The following LRRC4C variants were observed in gnomAD, a reference collection of about 807,000 sequenced individuals.
LRRC4C encodes leucine rich repeat containing 4C.
In LRRC4C, 5 loss-of-function variants were observed where a neutral mutation model predicts 33.6. The observed-to-expected ratio is 0.15, with a 90% CI of 0.08 to 0.31. The LOEUF (loss-of-function observed/expected upper bound fraction) is 0.31, where lower values mean the gene tolerates loss of function less well. Ranked by LOEUF, LRRC4C falls within the 10% of genes least tolerant of loss-of-function variation. The pLI is 1.00. For synonymous variants in LRRC4C, 329 were observed against 302.0 expected (o/e 1.09, Z -0.93); for missense variants, 560 against 796.7 (o/e 0.70, Z 3.58).
chr11:40,920,033 C>T (rs1957112112), intron 2 of LRRC4C, among the ~76,000 whole-genome samples: 1 of 152,070 alleles, frequency 6.6e-6, no homozygotes. Flanking sequence ...GCTTGATTAC[C>T]TCTAGTGACA....
At chr11:41,399,445 G>A (rs1953944885) in intron 1 of LRRC4C, among the ~76,000 whole-genome samples, 1 of 151,918 alleles carries the variant, frequency 6.6e-6, no homozygotes, top group Non-Finnish European at 1.5e-5. Flanking sequence ...TGAAATTACA[G>A]TACAAAGGAT....
At chr11:40,876,841 T>C (rs576365286) in intron 2 of LRRC4C, among the ~76,000 whole-genome samples, 13 of 148,938 alleles carry the variant, frequency 8.7e-5, no homozygotes, top group Admixed American at 8.1e-4. Context: ...AGGTGGGGGT[T>C]GTAGTGAGCC....
chr11:40,869,855 G>T (rs975608163), intron 2 of LRRC4C, among the ~76,000 whole-genome samples: 2 of 152,026 alleles, frequency 1.3e-5, no homozygotes, highest in Admixed American at 1.3e-4. Flanking sequence ...TGTTATTCCT[G>T]CTCTGAAGCT....
intron 3 of LRRC4C, among the ~76,000 whole-genome samples, chr11:40,595,786 T>C (rs1165967894): frequency 6.6e-6 from 1 of 152,094 alleles, no homozygotes; most frequent in Non-Finnish European, 1.5e-5. Context: ...ACTTTTATTT[T>C]CCCAAAACTC....
intron 3 of LRRC4C, among the ~76,000 whole-genome samples, chr11:40,509,075 T>G (rs1955178851): frequency 6.6e-6 from 1 of 152,124 alleles, no homozygotes; most frequent in Non-Finnish European, 1.5e-5. Flanking sequence ...CCCTTTCTGA[T>G]CACATATATC....
chr11:40,766,093 A>T (rs1281496361), intron 2 of LRRC4C, among the ~76,000 whole-genome samples: 1 of 151,566 alleles, frequency 6.6e-6, no homozygotes, highest in African/African-American at 2.4e-5. Context: ...GAAAAAAAAA[A>T]AAACATACAA....
At chr11:40,639,930 A>ATTT (rs61055829) in intron 3 of LRRC4C, among the ~76,000 whole-genome samples, 35,893 of 149,280 alleles carry the variant, frequency 0.24, 4,831 homozygotes, top group African/African-American at 0.38. Flanking sequence ...ACATAGACTG[A>ATTT]TTTTTTTTTT....
intron 1 of LRRC4C, among the ~76,000 whole-genome samples, chr11:41,342,730 T>C (rs376111749): frequency 6.6e-6 from 1 of 151,894 alleles, no homozygotes; most frequent in Non-Finnish European, 1.5e-5. Flanking sequence ...CAAACAAATA[T>C]ACAAACAAAC....
rs1564958704 is a variant in LRRC4C, at chr11:41,448,303, G to GT, written c.-496+11127_-496+11128insA. 9.6e-4 allele frequency among the ~76,000 whole-genome samples: 126 copies of GT among 131,430 alleles called. 2 individuals carry two copies. Among genetic ancestry groups the GT allele is most frequent in the African/African-American group, 3.4e-3 (122 of 35,396 alleles). 86.2% of individuals were successfully genotyped at this position (131,430 alleles called of 152,430 possible). On this transcript the variant is annotated intron_variant, in intron 1 of 6. Coordinates refer to ENST00000528697, the MANE Select transcript of LRRC4C (RefSeq NM_001258419.2). ...TAGCAACAATTAACATTTACATAGA[G>GT]CTTTTTTTTTTTTTTTTTTTGAGAT...
At chr11:41,087,248 C>T (rs1035718010) in intron 1 of LRRC4C, among the ~76,000 whole-genome samples, 8 of 152,072 alleles carry the variant, frequency 5.3e-5, no homozygotes, top group East Asian at 1.9e-4. Context: ...GCTGAATCCA[C>T]GCCCATTTCA....
chr11:40,506,455 T>A (rs1955037444), intron 3 of LRRC4C, among the ~76,000 whole-genome samples: 1 of 152,176 alleles, frequency 6.6e-6, no homozygotes, highest in Non-Finnish European at 1.5e-5. Flanking sequence ...CTTCCTCTGA[T>A]CAGTGAAGTA....
At chr11:40,941,395 G>T (rs1017284897) in intron 1 of LRRC4C, among the ~76,000 whole-genome samples, 2 of 151,930 alleles carry the variant, frequency 1.3e-5, no homozygotes, top group Non-Finnish European at 2.9e-5. Flanking sequence ...TTAAATATAG[G>T]TTAACTGACA....
At chr11:41,135,980 G>A (rs532878671) in intron 1 of LRRC4C, among the ~76,000 whole-genome samples, 12 of 152,214 alleles carry the variant, frequency 7.9e-5, no homozygotes, top group East Asian at 3.9e-4. Flanking sequence ...TACACAATAG[G>A]CATTTATTGA....
chr11:40,363,206 C>G (rs1334241819), intron 3 of LRRC4C, among the ~76,000 whole-genome samples: 1 of 152,168 alleles, frequency 6.6e-6, no homozygotes, highest in Non-Finnish European at 1.5e-5. Flanking sequence ...TACATATACA[C>G]TATGGAATAC....
intron 2 of LRRC4C, among the ~76,000 whole-genome samples, chr11:40,679,140 A>C (rs1160493366): frequency 2.0e-5 from 3 of 152,194 alleles, no homozygotes; most frequent in Admixed American, 2.0e-4. Context: ...GACTGGCAGC[A>C]TTTTGCCCCT....
At chr11:41,278,817 G>T (rs955336873) in intron 1 of LRRC4C, among the ~76,000 whole-genome samples, 2 of 20,656 alleles carry the variant, frequency 9.7e-5, no homozygotes, top group Middle Eastern at 0.023. Context: ...GTTTTATTTT[G>T]TTTTGTGTTT....
intron 2 of LRRC4C, among the ~76,000 whole-genome samples, chr11:40,759,295 G>A (rs933992657): frequency 3.4e-5 from 5 of 147,270 alleles, no homozygotes; most frequent in Non-Finnish European, 6.0e-5. Flanking sequence ...CCATATATAT[G>A]TATATATATC....
intron 3 of LRRC4C, among the ~76,000 whole-genome samples, chr11:40,354,561 T>C (rs1168434435): frequency 6.6e-6 from 1 of 152,154 alleles, no homozygotes; most frequent in Non-Finnish European, 1.5e-5. Context: ...GACAAAGTTC[T>C]TCCTATCCTT....
intron 1 of LRRC4C, among the ~76,000 whole-genome samples, chr11:41,336,188 G>T (rs1211945597): frequency 2.0e-5 from 3 of 151,574 alleles, no homozygotes; most frequent in Middle Eastern, 6.8e-3. Flanking sequence ...AAAATTTAAT[G>T]AGTTTTTAAA....
Sources: gnomAD v4.1 joint callset for allele counts (sites outside exome capture counted in the v4.1 genomes callset) on GRCh38, gnomAD v4.1.1 for gene constraint, MANE v1.5 for transcripts, NCBI Gene and HGNC (gene_info 2026-07-23, HGNC 2026-07-21) for gene names.